RPS6KA2: variants seen among roughly 807,000 people sequenced by gnomAD.
The protein encoded by RPS6KA2 is ribosomal protein S6 kinase A2, also known as ribosomal protein S6 kinase alpha-2.
In RPS6KA2, 42 loss-of-function variants were observed where a neutral mutation model predicts 91.8. The observed-to-expected ratio is 0.46, with a 90% CI of 0.36 to 0.59. The LOEUF is 0.59. Among genes scored for constraint, RPS6KA2 ranks in the 20% least tolerant of loss-of-function variants. The probability of loss-of-function intolerance (pLI) is 0.00; values close to 1 mark genes in which losing one functional copy is unlikely to be tolerated. For missense variants in RPS6KA2, 798 were observed against 978.5 expected, an observed-to-expected ratio of 0.82 and a Z score of 2.46; for synonymous variants, 414 against 393.6, an observed-to-expected ratio of 1.05 and a Z score of -0.61.
Position 166,498,619 on chromosome 6 carries a change from G to T in RPS6KA2, c.636C>A (p.His212Gln), listed in dbSNP as rs200188704. 7 of 1,613,938 alleles carry T rather than the reference G, an allele frequency of 4.3e-6. No individual in the cohort carries two copies. Among genetic ancestry groups the T allele is most frequent in the Non-Finnish European group, 5.9e-6 (7 of 1,179,972 alleles). The change falls in exon 8 of 21, where the codon CAC (histidine) becomes CAA (glutamine). Residue 212 changes from histidine to glutamine, a missense_variant. Physicochemically the swap from His to Gln is conservative, Grantham distance 24 (BLOSUM62 0). Coordinates refer to ENST00000265678, the MANE Select transcript of RPS6KA2 (RefSeq NM_021135.6). ...CGCAGAAGGAGTACGCTCTCTTGTC[G>T]TGGTCAATGGCCTCCTTACTCAGGC... ...DFGLSKEAID[H>Q]DKRAYSFCGT...
chr6:166,855,069 A>AT (rs1780850824), intron 2 of RPS6KA2, among the ~76,000 whole-genome samples: 1 of 152,354 alleles, frequency 6.6e-6, no homozygotes, highest in South Asian at 2.1e-4. Context: ...GGAGGCCATT[A>AT]TCCTAAGTGA....
At chr6:166,608,491 T>A (rs1450212980) in intron 1 of RPS6KA2, among the ~76,000 whole-genome samples, 1 of 152,186 alleles carries the variant, frequency 6.6e-6, no homozygotes, top group East Asian at 1.9e-4. Flanking sequence ...CCTTTAAGAA[T>A]TTCTAGTTAT....
intron 2 of RPS6KA2, among the ~76,000 whole-genome samples, chr6:166,786,967 C>T (rs987705478): frequency 6.6e-6 from 1 of 152,120 alleles, no homozygotes; most frequent in Non-Finnish European, 1.5e-5. Context: ...TTTTAAATGG[C>T]CTTCCCAACC....
chr6:166,644,157 C>T (rs976396823), intron 2 of RPS6KA2, among the ~76,000 whole-genome samples: 5 of 152,148 alleles, frequency 3.3e-5, no homozygotes, highest in Non-Finnish European at 7.3e-5. Context: ...TCTTTTTAAG[C>T]CAGTAATTAG....
At chr6:166,858,155 A>C (rs1259227935) in intron 2 of RPS6KA2, 1 of 1,172,302 alleles carries the variant, frequency 8.5e-7, no homozygotes, top group East Asian at 2.3e-5. Context: ...TTCTGGGCCC[A>C]ATCTCCCCAA....
chr6:166,636,132 C>T (rs1017641991), intron 2 of RPS6KA2, among the ~76,000 whole-genome samples: 2 of 151,956 alleles, frequency 1.3e-5, no homozygotes, highest in Non-Finnish European at 2.9e-5. Context: ...CCCTGCCCCA[C>T]CCTGCTCCTG....
At chr6:166,545,756 C>T (rs1028297556) in intron 1 of RPS6KA2, among the ~76,000 whole-genome samples, 1 of 152,158 alleles carries the variant, frequency 6.6e-6, no homozygotes, top group Non-Finnish European at 1.5e-5. Flanking sequence ...TTTTCTCTTC[C>T]CTTCTTCTCA....
intron 2 of RPS6KA2, among the ~76,000 whole-genome samples, chr6:166,659,281 T>C (rs1788090761): frequency 6.6e-6 from 1 of 152,232 alleles, no homozygotes; most frequent in Non-Finnish European, 1.5e-5. Flanking sequence ...TCATTATGTT[T>C]TTAAATTAAA....
chr6:166,659,928 A>T (rs1582994928), intron 2 of RPS6KA2, among the ~76,000 whole-genome samples: 4 of 142,350 alleles, frequency 2.8e-5, no homozygotes, highest in East Asian at 2.1e-4. Context: ...CATTTTTTGT[A>T]TTTTTTTTTT....
intron 2 of RPS6KA2, among the ~76,000 whole-genome samples, chr6:166,680,912 T>C (rs1448980951): frequency 1.3e-5 from 2 of 152,194 alleles, no homozygotes; most frequent in African/African-American, 4.8e-5. Flanking sequence ...TCGGAAAAGT[T>C]TCAGCCTTGC....
rs1025764316 is a variant in RPS6KA2 at position 166,410,134 on chromosome 6, G to A, written c.*2628C>T. 2 of 150,616 alleles carry A rather than the reference G, an allele frequency of 1.3e-5. No homozygotes were observed. The highest frequency in any genetic ancestry group is 3.0e-5 in the Non-Finnish European group (2 of 67,668). 9.3% of individuals were successfully genotyped at this position (150,616 alleles called of 1,614,324 possible). A position where few individuals can be genotyped will look rare whatever the true frequency, so the allele number is the denominator to read the frequency against. ...GTAGGTCAGGAAGCCTGAGATCTAG[G>A]GTTCAATGTGTTTATAAGTTCTGTG... On this transcript the variant is annotated 3_prime_UTR_variant, in exon 21 of 21. Transcript: ENST00000265678.
At chr6:166,422,189 C>T (rs528271552) in intron 17 of RPS6KA2, among the ~76,000 whole-genome samples, 4 of 152,302 alleles carry the variant, frequency 2.6e-5, no homozygotes, top group South Asian at 2.1e-4. Context: ...CGTGAGCCAC[C>T]GCACCCAGCC....
At position 166,612,687 on chromosome 6, in the gene RPS6KA2, T is replaced by G. The variant is rs906097822; in HGVS notation, c.99+14234A>C. 6.6e-6 allele frequency among the ~76,000 whole-genome samples: 1 copy of G among 152,182 alleles called. No homozygotes were observed. Among genetic ancestry groups the G allele is most frequent in the Non-Finnish European group, 1.5e-5 (1 of 68,032 alleles). On this transcript the variant is annotated intron_variant, in intron 1 of 20. Coordinates refer to ENST00000265678, the MANE Select transcript of RPS6KA2 (RefSeq NM_021135.6). The surrounding 1 kb of genome is among the most constrained non-coding windows in gnomAD (Gnocchi z 4.3). ...TCCGGGCGTCTGTTGTTACCCATGC[T>G]CGGGTAGGAAAATGCTGAGTGAAGG...
intron 2 of RPS6KA2, among the ~76,000 whole-genome samples, chr6:166,759,353 A>G (rs192079152): frequency 9.3e-4 from 141 of 152,322 alleles, no homozygotes; most frequent in Non-Finnish European, 1.2e-3. Flanking sequence ...GAACGGTCAC[A>G]CTTCTGAGCT....
At chr6:166,851,424 A>C (rs1461222229) in intron 2 of RPS6KA2, among the ~76,000 whole-genome samples, 1 of 152,220 alleles carries the variant, frequency 6.6e-6, no homozygotes, top group Admixed American at 6.5e-5. Context: ...TCGGATGAGC[A>C]CAATTTTTTT....
At chr6:166,741,932 C>T (rs773305252) in intron 2 of RPS6KA2, among the ~76,000 whole-genome samples, 13 of 152,114 alleles carry the variant, frequency 8.5e-5, no homozygotes, top group Non-Finnish European at 1.8e-4. Flanking sequence ...TTCAAGACCA[C>T]CCCGGCCAAC....
At chr6:166,492,720 C>CTT (rs10533292) in intron 8 of RPS6KA2, among the ~76,000 whole-genome samples, 296 of 141,192 alleles carry the variant, frequency 2.1e-3, no homozygotes, top group African/African-American at 7.4e-3. Context: ...TTTTTCTTTT[C>CTT]TTTTTTTTTT....
chr6:166,563,893 G>C lies in RPS6KA2; in HGVS notation c.100-25109C>G, dbSNP rs976332620. Among the ~76,000 whole-genome samples the C allele has an allele frequency of 6.6e-6, 1 of 152,026 alleles. No homozygotes were observed. Among genetic ancestry groups the C allele is most frequent in the Non-Finnish European group, 1.5e-5 (1 of 68,014 alleles). On this transcript the variant is annotated intron_variant, in intron 1 of 20. Transcript: ENST00000265678. The surrounding 1 kb of genome is among the most constrained non-coding windows in gnomAD (Gnocchi z 4.1). The stretch of plus-strand genomic sequence containing the variant: ...TGAGCTTTACCTATTTGTAAATTAC[G>C]GGCTTTCAACACGCAGCTGGACGTG...
Position 166,732,674 on chromosome 6 carries a change from G to A in RPS6KA2, c.123+125526C>T, listed in dbSNP as rs974970084. Among the ~76,000 whole-genome samples, 1 of 152,238 alleles carries A rather than the reference G, an allele frequency of 6.6e-6. No individual in the cohort carries two copies. The highest frequency in any genetic ancestry group is 1.9e-4 in the East Asian group (1 of 5,194). ...GGATTGCTGTCTAGGGGATGGAAGC[G>A]CAAAGAAGCTCGGAGCTCCCACAGA... On this transcript the variant is annotated intron_variant, in intron 2 of 21. Coordinates refer to the RPS6KA2 transcript ENST00000503859. This position sits in a 1 kb window ranked among gnomAD's most constrained non-coding sequence, Gnocchi z 4.0.
Sources: allele counts gnomAD v4.1 joint callset (sites outside exome capture counted in the v4.1 genomes callset), GRCh38; gene constraint gnomAD v4.1.1; non-coding constraint Gnocchi (gnomAD v3.1); transcripts MANE v1.5; gene names NCBI Gene and HGNC (gene_info 2026-07-23, HGNC 2026-07-21).